The following SLC6A2 variants were observed in gnomAD, a reference collection of about 807,000 sequenced individuals.
SLC6A2 encodes the protein sodium-dependent noradrenaline transporter.
SLC6A2 carries 26 observed loss-of-function variants against 71.7 expected under a neutral mutation model. The ratio of observed to expected loss-of-function variants is 0.36; its 90% CI spans 0.27 to 0.50. The LOEUF is 0.50. Among genes scored for constraint, SLC6A2 ranks in the 20% least tolerant of loss-of-function variants. The probability of loss-of-function intolerance (pLI) is 0.96; values close to 1 mark genes in which losing one functional copy is unlikely to be tolerated. For missense variants in SLC6A2, 581 were observed against 803.9 expected, an observed-to-expected ratio of 0.72 and a Z score of 3.35; for synonymous variants, 363 against 337.9, an observed-to-expected ratio of 1.07 and a Z score of -0.82.
At chr16:55,660,014 T>C (rs1964567432) in intron 2 of SLC6A2, among the ~76,000 whole-genome samples, 1 of 152,182 alleles carries the variant, frequency 6.6e-6, no homozygotes, top group Admixed American at 6.5e-5. Context: ...TATGATGATG[T>C]ATGAAATGGA....
rs42460 is a variant in SLC6A2, at chr16:55,703,744, G to A, written c.*1398G>A. 0.91 allele frequency: 896,697 copies of A among 985,112 alleles called. 408,151 individuals carry two copies. The highest frequency in any genetic ancestry group is 0.91 in the African/African-American group (52,367 of 57,296). 61.0% of individuals were successfully genotyped at this position (985,112 alleles called of 1,614,324 possible). A position where few individuals can be genotyped will look rare whatever the true frequency, so the allele number is the denominator to read the frequency against. ...TTCTGACTGTGGGAGCTCCTGTTGC[G>A]GGATCTTGGGAAAAAATAAAGAAGC... On this transcript the variant is annotated 3_prime_UTR_variant, in exon 15 of 15. Transcript: ENST00000568943.
chr16:55,663,975 C>T (rs1050703525), intron 2 of SLC6A2, among the ~76,000 whole-genome samples: 1 of 152,144 alleles, frequency 6.6e-6, no homozygotes, highest in Non-Finnish European at 1.5e-5. Context: ...AACAGACAGG[C>T]CTTGCTGGGC....
intron 4 of SLC6A2, among the ~76,000 whole-genome samples, chr16:55,679,886 C>G (rs1458351469): frequency 3.3e-5 from 5 of 152,182 alleles, no homozygotes; most frequent in African/African-American, 7.2e-5. Flanking sequence ...GACCTCGATG[C>G]TTTCGACTTT....
intron 2 of SLC6A2, among the ~76,000 whole-genome samples, chr16:55,659,227 TAGA>T (rs1211445798): frequency 2.6e-5 from 4 of 152,198 alleles, no homozygotes; most frequent in African/African-American, 9.7e-5. Context: ...GTCATGCTGC[TAGA>T]AGTTCTTCCC....
intron 9 of SLC6A2, 22 bp from the exon 10 acceptor site, chr16:55,697,875 C>A (rs1326321267): frequency 1.2e-6 from 2 of 1,613,630 alleles, no homozygotes; most frequent in South Asian, 1.1e-5. Context: ...TCCTGCACCC[C>A]ACCCCTCCTG....
At chr16:55,685,428 A>C (rs1426286749) in intron 5 of SLC6A2, 147 bp downstream of exon 5, 1 of 831,404 alleles carries the variant, frequency 1.2e-6, no homozygotes, top group Non-Finnish European at 2.0e-6. Flanking sequence ...TCTGCCACTG[A>C]CTTGGACAAA....
chr16:55,693,432 C>T (rs1301732783), intron 6 of SLC6A2, among the ~76,000 whole-genome samples: 1 of 152,024 alleles, frequency 6.6e-6, no homozygotes, highest in Non-Finnish European at 1.5e-5. Context: ...CCCCATTATA[C>T]AGATGAGGAA....
chr16:55,674,434 T>C (rs1965019012), intron 4 of SLC6A2, among the ~76,000 whole-genome samples: 1 of 151,922 alleles, frequency 6.6e-6, no homozygotes, highest in African/African-American at 2.4e-5. Flanking sequence ...TCTTTTTCTT[T>C]TTTTTTTTGA....
At position 55,705,407 on chromosome 16, in the gene SLC6A2, A is replaced by G; in HGVS notation, c.*3061A>G. 2 of 628,896 alleles carry G rather than the reference A, an allele frequency of 3.2e-6. No homozygotes were observed. The highest frequency in any genetic ancestry group is 5.4e-6 in the Non-Finnish European group (2 of 367,028). The allele number at this position is 628,896 out of a possible 1,614,324, so 39.0% of individuals were successfully genotyped here. A position where few individuals can be genotyped will look rare whatever the true frequency, so the allele number is the denominator to read the frequency against. On this transcript the variant is annotated 3_prime_UTR_variant, in exon 15 of 15. Coordinates refer to ENST00000568943, the MANE Select transcript of SLC6A2 (RefSeq NM_001172501.3). ...ATTCTTACCAAAGAAATCATTTCCTAGTAAAGAAGCCCATTGAACTCACTT... is the reference window on the plus strand; with the variant it reads ...ATTCTTACCAAAGAAATCATTTCCTGGTAAAGAAGCCCATTGAACTCACTT...
chr16:55,661,809 T>C (rs747107), intron 2 of SLC6A2, among the ~76,000 whole-genome samples: 127,670 of 152,154 alleles, frequency 0.84, 53,631 homozygotes, highest in African/African-American at 0.85. Context: ...GCGTCCCCAG[T>C]GGACTCTCTC....
chr16:55,656,655 GC>G lies in SLC6A2; in HGVS notation c.-35del. ...CTTTATCCAAGCAGAGCCTCGGCGT[GC>G]CCCCAGGACCGGTAAAGTTCCTCTC... On this transcript the variant is annotated 5_prime_UTR_variant, in exon 2 of 15. Transcript: ENST00000568943. This position sits in a 1 kb window ranked among gnomAD's most constrained non-coding sequence, Gnocchi z 4.5. 6.2e-7 allele frequency: 1 copy of G among 1,610,236 alleles called. No individual in the cohort carries two copies. The highest frequency in any genetic ancestry group is 8.5e-7 in the Non-Finnish European group (1 of 1,179,434).
intron 6 of SLC6A2, among the ~76,000 whole-genome samples, chr16:55,693,124 C>T (rs904210722): frequency 3.3e-5 from 5 of 152,190 alleles, no homozygotes; most frequent in Admixed American, 6.5e-5. Flanking sequence ...CGGTGGCTCA[C>T]GCCTGTAATC....
rs2142652183 is a variant in SLC6A2, at chr16:55,704,942, G to C, written c.*2596G>C. 3.3e-6 allele frequency: 1 copy of C among 300,042 alleles called. No individual in the cohort carries two copies. The highest frequency in any genetic ancestry group is 5.8e-5 in the East Asian group (1 of 17,172). The allele number at this position is 300,042 out of a possible 1,614,324, so 18.6% of individuals were successfully genotyped here. A position where few individuals can be genotyped will look rare whatever the true frequency, so the allele number is the denominator to read the frequency against. On this transcript the variant is annotated 3_prime_UTR_variant, in exon 15 of 15. Coordinates refer to ENST00000568943, the MANE Select transcript of SLC6A2 (RefSeq NM_001172501.3). Reference sequence around the variant, plus strand: ...CGGGGAGGTGCTTGGAGATCATTTGGGTTTACCTTTCCACCCACATTTAAT... The same window carrying C: ...CGGGGAGGTGCTTGGAGATCATTTGCGTTTACCTTTCCACCCACATTTAAT...
intron 4 of SLC6A2, among the ~76,000 whole-genome samples, chr16:55,682,380 A>G (rs1169977768): frequency 6.6e-6 from 1 of 152,212 alleles, no homozygotes; most frequent in African/African-American, 2.4e-5. Flanking sequence ...AGTTGCTAAG[A>G]GAAAGATTGA....
intron 5 of SLC6A2, among the ~76,000 whole-genome samples, chr16:55,687,580 TGGGTACCA>T (rs779827246): frequency 3.9e-5 from 6 of 152,148 alleles, no homozygotes; most frequent in Non-Finnish European, 8.8e-5. Flanking sequence ...GTGCCTTTCC[TGGGTACCA>T]GGAGCAGAGT....
chr16:55,695,542 A>G (rs1174893771), intron 8 of SLC6A2, 140 bp downstream of exon 8: 5 of 946,054 alleles, frequency 5.3e-6, no homozygotes, highest in Non-Finnish European at 8.2e-6. Flanking sequence ...CATGTGATTG[A>G]CTTTCCTTTG....
intron 12 of SLC6A2, among the ~76,000 whole-genome samples, 164 bp from the exon 13 acceptor site, chr16:55,699,975 C>T (rs901487030): frequency 1.3e-5 from 2 of 152,108 alleles, no homozygotes; most frequent in Admixed American, 6.5e-5. Flanking sequence ...TTTCTTATTT[C>T]TCCATCTCTT....
rs1308286195 is a variant in SLC6A2, at chr16:55,669,441, G to A, written c.275-124G>A. 36 of 880,822 alleles carry A rather than the reference G, an allele frequency of 4.1e-5. No individual in the cohort carries two copies. The Admixed American group carries it at 5.1e-4, about 12-fold the overall frequency. 54.6% of individuals were successfully genotyped at this position (880,822 alleles called of 1,614,324 possible). ...TATGATAATTAGTATTGATTGCTGC[G>A]CGTCGCCTTTGGAAACAGCCAGCTG... On this transcript the variant is annotated intron_variant, in intron 2 of 14. Transcript: ENST00000568943.
intron 4 of SLC6A2, among the ~76,000 whole-genome samples, chr16:55,678,931 T>G (rs1169871699): frequency 1.3e-5 from 2 of 152,168 alleles, no homozygotes; most frequent in Non-Finnish European, 2.9e-5. Context: ...GTCCAGATCT[T>G]TTCACTGATG....
Sources: gnomAD v4.1 joint callset for allele counts (sites outside exome capture counted in the v4.1 genomes callset) on GRCh38, gnomAD v4.1.1 for gene constraint, Gnocchi (gnomAD v3.1) non-coding constraint, MANE v1.5 for transcripts, NCBI Gene and HGNC (gene_info 2026-07-23, HGNC 2026-07-21) for gene names.